The following ZBTB46 variants were observed in gnomAD, a reference collection of about 807,000 sequenced individuals.
The protein encoded by ZBTB46 is zinc finger and BTB domain containing 46.
A neutral mutation model predicts 44.1 loss-of-function variants in ZBTB46; 8 were observed. The ratio of observed to expected loss-of-function variants is 0.18; its 90% CI spans 0.11 to 0.33. The LOEUF (loss-of-function observed/expected upper bound fraction) is 0.33. Ranked by LOEUF, ZBTB46 falls within the 10% of genes least tolerant of loss-of-function variation. The probability of loss-of-function intolerance (pLI) is 1.00; values close to 1 mark genes in which losing one functional copy is unlikely to be tolerated. For missense variants in ZBTB46, 651 were observed against 847.7 expected (o/e 0.77, Z 2.88); for synonymous variants, 409 against 382.3 (o/e 1.07, Z -0.81).
In ZBTB46 at chr20:63,800,560, G is replaced by A. The variant is rs571660590; in HGVS notation, c.-33-9770C>T. On this transcript the variant is annotated intron_variant, in intron 1 of 4. Transcript: ENST00000245663. ...CTCCCTCAGCTTGCGGGGAGGTGTG[G>A]AGGGAGAGGCGTGGGCGGGAACCGG... 4.6e-5 allele frequency among the ~76,000 whole-genome samples: 7 copies of A among 152,370 alleles called. No homozygotes were observed. The South Asian group carries it at 1.4e-3, about 32-fold the overall frequency.
intron 1 of ZBTB46, among the ~76,000 whole-genome samples, chr20:63,809,004 AAG>A (rs1242431843): frequency 1.4e-5 from 2 of 143,922 alleles, no homozygotes; most frequent in Admixed American, 6.8e-5. Flanking sequence ...AAAAAAGAAA[AAG>A]AAAAAAAAAA....
At chr20:63,797,898 T>C (rs929240509) in intron 1 of ZBTB46, among the ~76,000 whole-genome samples, 5 of 152,242 alleles carry the variant, frequency 3.3e-5, no homozygotes, top group South Asian at 2.1e-4. Flanking sequence ...AGATTCTGGA[T>C]ATTCGCCCTT....
At position 63,767,297 on chromosome 20, in the gene ZBTB46, T is replaced by C. The variant is rs1019212112; in HGVS notation, c.1222+8381A>G. ...CCTGAAAGCCCCCCGTCCCCACACATTGGCAATCCCGTAGGATCTCGGTCA... is the reference window on the plus strand; with the variant it reads ...CCTGAAAGCCCCCCGTCCCCACACACTGGCAATCCCGTAGGATCTCGGTCA... On this transcript the variant is annotated intron_variant, in intron 3 of 4. Transcript: ENST00000245663. This position sits in a 1 kb window ranked among gnomAD's most constrained non-coding sequence, Gnocchi z 5.0. 2.0e-5 allele frequency among the ~76,000 whole-genome samples: 3 copies of C among 148,768 alleles called. No homozygotes were observed. Among genetic ancestry groups the C allele is most frequent in the African/African-American group, 7.4e-5 (3 of 40,694 alleles).
intron 1 of ZBTB46, among the ~76,000 whole-genome samples, chr20:63,798,257 C>T (rs1333053954): frequency 1.3e-5 from 2 of 152,152 alleles, no homozygotes; most frequent in African/African-American, 4.8e-5. Flanking sequence ...ATAGGGAATC[C>T]TTTCCCCATT....
At chr20:63,785,627 C>G (rs1429746549) in intron 2 of ZBTB46, among the ~76,000 whole-genome samples, 1 of 152,194 alleles carries the variant, frequency 6.6e-6, no homozygotes, top group Non-Finnish European at 1.5e-5. Context: ...ATCCTCTTCT[C>G]TAAGATAGAA....
rs2092328752 is a variant in ZBTB46 at position 63,767,324 on chromosome 20, C to T, written c.1222+8354G>A. ...GGCAATCCCGTAGGATCTCGGTCAT[C>T]TGAACCCCGTCGGGCAGAAGCTGGA... On this transcript the variant is annotated intron_variant, in intron 3 of 4. Transcript: ENST00000245663. This position sits in a 1 kb window ranked among gnomAD's most constrained non-coding sequence, Gnocchi z 5.0. 6.6e-6 allele frequency among the ~76,000 whole-genome samples: 1 copy of T among 152,134 alleles called. No homozygotes were observed.
chr20:63,797,077 A>G (rs2092609440), intron 1 of ZBTB46, among the ~76,000 whole-genome samples: 1 of 152,214 alleles, frequency 6.6e-6, no homozygotes. Flanking sequence ...TTACATACGT[A>G]CACATGTGCC....
intron 1 of ZBTB46, chr20:63,816,550 G>A (rs546503993): frequency 6.6e-6 from 1 of 152,666 alleles, no homozygotes; most frequent in South Asian, 2.1e-4. Flanking sequence ...AATAACAGCA[G>A]CGTCAAGGAT....
intron 1 of ZBTB46, among the ~76,000 whole-genome samples, chr20:63,819,301 G>A (rs1353651834): frequency 6.6e-6 from 1 of 152,150 alleles, no homozygotes; most frequent in Non-Finnish European, 1.5e-5. Flanking sequence ...AACAGAGAGC[G>A]CACCCGGGAT....
chr20:63,774,546 T>G (rs900446793), intron 3 of ZBTB46, among the ~76,000 whole-genome samples: 1 of 152,016 alleles, frequency 6.6e-6, no homozygotes, highest in Non-Finnish European at 1.5e-5. Context: ...CCTCCTCCCC[T>G]GGAGAGAAAC....
rs376599314 is a variant in ZBTB46 at position 63,822,888 on chromosome 20, C to T, written c.-34+8209G>A. On this transcript the variant is annotated intron_variant, in intron 1 of 4. Transcript: ENST00000245663. ...AAAAATGGAAACAAAAAGTCGGGAG[C>T]GGTGGCACACACCTGTCATCCTAGC... Among the ~76,000 whole-genome samples, 12 of 152,098 alleles carry T rather than the reference C, an allele frequency of 7.9e-5. No homozygotes were observed. The East Asian group carries it at 1.5e-3, about 20-fold the overall frequency.
intron 2 of ZBTB46, among the ~76,000 whole-genome samples, chr20:63,786,307 G>A (rs1249455460): frequency 6.6e-6 from 1 of 152,172 alleles, no homozygotes; most frequent in Non-Finnish European, 1.5e-5. Context: ...ATAGAGAAAC[G>A]ATTTTCCCAA....
chr20:63,807,993 G>A (rs1394007516), intron 1 of ZBTB46: 2 of 149,140 alleles, frequency 1.3e-5, no homozygotes, highest in African/African-American at 5.1e-5. Context: ...CCTTCCCACA[G>A]GGGACACTCA....
At chr20:63,805,842 G>T (rs58150746) in intron 1 of ZBTB46, among the ~76,000 whole-genome samples, 1 of 151,456 alleles carries the variant, frequency 6.6e-6, no homozygotes, top group South Asian at 2.1e-4. Context: ...TGAAGCCTTC[G>T]GCTCACTGCA....
chr20:63,751,346 A>G (rs1383656333), intron 4 of ZBTB46, among the ~76,000 whole-genome samples: 3 of 152,102 alleles, frequency 2.0e-5, no homozygotes, highest in Non-Finnish European at 2.9e-5. Context: ...CGCAAAGGCA[A>G]ATGTGGGGGC....
chr20:63,759,401 C>A (rs912555901), intron 3 of ZBTB46, among the ~76,000 whole-genome samples: 1 of 150,770 alleles, frequency 6.6e-6, no homozygotes, highest in East Asian at 1.9e-4. Flanking sequence ...TCTTTTTTTT[C>A]TTTAGTAAAG....
At chr20:63,774,582 C>T (rs1454251244) in intron 3 of ZBTB46, among the ~76,000 whole-genome samples, 2 of 152,300 alleles carry the variant, frequency 1.3e-5, no homozygotes, top group Admixed American at 6.5e-5. Flanking sequence ...CACTCTCAGC[C>T]GCATGCTGAG....
intron 1 of ZBTB46, among the ~76,000 whole-genome samples, chr20:63,794,638 G>T (rs2092586614): frequency 1.3e-5 from 2 of 152,218 alleles, no homozygotes; most frequent in African/African-American, 4.8e-5. Context: ...TCAGAAATCT[G>T]CTCGTGGGGC....
rs1266206777 is a variant in ZBTB46, at chr20:63,780,467, G to A, written c.938-4505C>T. 2.6e-5 allele frequency among the ~76,000 whole-genome samples: 4 copies of A among 151,962 alleles called. No individual in the cohort carries two copies. In the South Asian group the frequency reaches 6.2e-4, roughly 24 times the overall value. On this transcript the variant is annotated intron_variant, in intron 2 of 4. Coordinates refer to ENST00000245663, the MANE Select transcript of ZBTB46 (RefSeq NM_001369741.1). ...ACCAACTTGAATCATGGAGCTATGC[G>A]TTATACTTAAATTGATAAAAACTCA...
Sources: gnomAD v4.1 joint callset for allele counts (sites outside exome capture counted in the v4.1 genomes callset) on GRCh38, gnomAD v4.1.1 for gene constraint, Gnocchi (gnomAD v3.1) non-coding constraint, MANE v1.5 for transcripts, NCBI Gene and HGNC (gene_info 2026-07-23, HGNC 2026-07-21) for gene names.